The following MARCHF6 variants were observed in gnomAD, a reference collection of about 807,000 sequenced individuals.
MARCHF6 encodes membrane associated ring-CH-type finger 6, also known as E3 ubiquitin-protein ligase MARCHF6.
A neutral mutation model predicts 133.7 loss-of-function variants in MARCHF6; 31 were observed. That is an observed-to-expected ratio of 0.23 (90% CI 0.17 to 0.31). The LOEUF (loss-of-function observed/expected upper bound fraction) is 0.31. Among genes scored for constraint, MARCHF6 ranks in the 10% least tolerant of loss-of-function variants. The probability of loss-of-function intolerance (pLI) is 1.00; values close to 1 mark genes in which losing one functional copy is unlikely to be tolerated. For synonymous variants in MARCHF6, 395 were observed against 402.5 expected, an observed-to-expected ratio of 0.98 and a Z score of 0.22; for missense variants, 723 against 1,121.6, an observed-to-expected ratio of 0.64 and a Z score of 5.08.
At chr5:10,411,045 G>C (rs566179028) in intron 18 of MARCHF6, among the ~76,000 whole-genome samples, 57 of 151,944 alleles carry the variant, frequency 3.8e-4, no homozygotes, top group Non-Finnish European at 7.4e-4. Context: ...TAAGTATCTT[G>C]TACATTGTAC....
At chr5:10,366,286 G>C (rs1023016786) in intron 1 of MARCHF6, among the ~76,000 whole-genome samples, 1 of 152,162 alleles carries the variant, frequency 6.6e-6, no homozygotes, top group East Asian at 1.9e-4. Context: ...CATTTATATA[G>C]CCGCTTCCCT....
chr5:10,439,442 T>C lies in MARCHF6; in HGVS notation c.*5758T>C, dbSNP rs529632868. Reference sequence around the variant, plus strand: ...ATCCATGAAGGAAAAATCGATAAATTGTACTTTATCAAAATTGAGAACTTC... The same window carrying C: ...ATCCATGAAGGAAAAATCGATAAATCGTACTTTATCAAAATTGAGAACTTC... On this transcript the variant is annotated 3_prime_UTR_variant, in exon 26 of 26. Transcript: ENST00000274140. The C allele has an allele frequency of 6.6e-6, 1 of 152,298 alleles. No individual in the cohort carries two copies. Among genetic ancestry groups the C allele is most frequent in the Admixed American group, 6.5e-5 (1 of 15,288 alleles). 9.4% of individuals were successfully genotyped at this position (152,298 alleles called of 1,614,324 possible).
chr5:10,362,971 G>T (rs1735917215), intron 1 of MARCHF6, among the ~76,000 whole-genome samples: 1 of 152,024 alleles, frequency 6.6e-6, no homozygotes, highest in South Asian at 2.1e-4. Context: ...AATGGCACTG[G>T]AATAGTTGAA....
chr5:10,391,465 AG>A (rs1737835637), intron 6 of MARCHF6, 76 bp from the exon 7 acceptor site: 5 of 60,742 alleles, frequency 8.2e-5, no homozygotes, highest in Non-Finnish European at 1.5e-4. Flanking sequence ...TTTTTTTTTT[AG>A]CAGGAATAAT....
intron 23 of MARCHF6, among the ~76,000 whole-genome samples, chr5:10,424,352 G>A (rs932504839): frequency 1.3e-5 from 2 of 152,210 alleles, no homozygotes; most frequent in East Asian, 3.9e-4. Context: ...GCTCTCTTCA[G>A]TGGGTAATCT....
chr5:10,392,070 G>A (rs930470707), intron 7 of MARCHF6, among the ~76,000 whole-genome samples: 7 of 150,050 alleles, frequency 4.7e-5, no homozygotes, highest in South Asian at 2.1e-4. Flanking sequence ...GCCATTCTCC[G>A]GCCTCAGCCT....
chr5:10,361,443 T>G (rs1434267020), intron 1 of MARCHF6, among the ~76,000 whole-genome samples: 1 of 152,202 alleles, frequency 6.6e-6, no homozygotes, highest in Non-Finnish European at 1.5e-5. Context: ...TAGATGATTG[T>G]CTTCTGTGTC....
At chr5:10,379,381 A>C (rs532336090) in intron 3 of MARCHF6, among the ~76,000 whole-genome samples, 2 of 152,200 alleles carry the variant, frequency 1.3e-5, no homozygotes, top group Non-Finnish European at 2.9e-5. Context: ...GATTTCATCA[A>C]ATATTCAGTA....
chr5:10,387,109 G>C, intron 5 of MARCHF6, 43 bp downstream of exon 5: 3 of 1,394,920 alleles, frequency 2.2e-6, no homozygotes, highest in Non-Finnish European at 3.0e-6. Flanking sequence ...TGATGTAGAT[G>C]ATGCTTGCTT....
In MARCHF6 at chr5:10,397,275, G is replaced by A. The variant is rs1024549911; in HGVS notation, c.862-18G>A. The A allele has an allele frequency of 1.9e-6, 3 of 1,541,818 alleles. No individual in the cohort carries two copies. The highest frequency in any genetic ancestry group is 2.6e-6 in the Non-Finnish European group (3 of 1,144,150). On this transcript the variant is annotated intron_variant, in intron 9 of 25. Coordinates refer to ENST00000274140, the MANE Select transcript of MARCHF6 (RefSeq NM_005885.4). Reference sequence around the variant, plus strand: ...AAGTATGAATTGAATATGCTTTATTGATGCTTTTTTCCTTTAGGAACATGT... The same window carrying A: ...AAGTATGAATTGAATATGCTTTATTAATGCTTTTTTCCTTTAGGAACATGT...
intron 10 of MARCHF6, among the ~76,000 whole-genome samples, chr5:10,398,357 T>G (rs1738313695): frequency 6.6e-6 from 1 of 152,208 alleles, no homozygotes; most frequent in Non-Finnish European, 1.5e-5. Flanking sequence ...TTGATTTCTG[T>G]GTATTATCTG....
chr5:10,380,825 C>A (rs1393496440), intron 3 of MARCHF6, among the ~76,000 whole-genome samples: 2 of 151,764 alleles, frequency 1.3e-5, no homozygotes, highest in Non-Finnish European at 2.9e-5. Flanking sequence ...TACTTGGGAG[C>A]CTGAGGCAGG....
At chr5:10,407,956 C>CCCT (rs1320840816) in intron 17 of MARCHF6, among the ~76,000 whole-genome samples, 2 of 136,386 alleles carry the variant, frequency 1.5e-5, no homozygotes, top group Admixed American at 7.2e-5. Flanking sequence ...AACTGCATCC[C>CCCT]CCCCCCCCCA....
At chr5:10,402,722 T>G (rs1192251547) in intron 14 of MARCHF6, 115 bp downstream of exon 14, 1 of 957,432 alleles carries the variant, frequency 1.0e-6, no homozygotes, top group Non-Finnish European at 1.6e-6. Context: ...TGCTTATTCT[T>G]TTGGCATGTG....
intron 6 of MARCHF6, 71 bp downstream of exon 6, chr5:10,390,571 A>C: frequency 7.2e-6 from 10 of 1,390,450 alleles, no homozygotes; most frequent in Non-Finnish European, 9.8e-6. Context: ...TCTGAGACTC[A>C]AACTCTTGAC....
chr5:10,383,546 A>G (rs980773162), intron 4 of MARCHF6, among the ~76,000 whole-genome samples: 7 of 152,228 alleles, frequency 4.6e-5, no homozygotes, highest in Admixed American at 2.6e-4. Context: ...GAATGCTAGA[A>G]GACAATGGAA....
In MARCHF6 at chr5:10,431,791, C is replaced by T. The variant is rs146733508; in HGVS notation, c.2642+1763C>T. 2.8e-3 allele frequency among the ~76,000 whole-genome samples: 431 copies of T among 152,216 alleles called. 2 individuals are homozygous for T. The highest frequency in any genetic ancestry group is 0.01 in the Admixed American group (160 of 15,276). ...TACAATTTAACTTGGTTTCTGTATG[C>T]TTTTTATTTACTTACTTTGTCATTG... is the stretch of plus-strand genomic sequence containing the variant. On this transcript the variant is annotated intron_variant, in intron 25 of 25. Transcript: ENST00000274140.
intron 4 of MARCHF6, among the ~76,000 whole-genome samples, chr5:10,386,502 C>T (rs1031340747): frequency 2.0e-5 from 3 of 152,146 alleles, no homozygotes; most frequent in Non-Finnish European, 4.4e-5. Flanking sequence ...TTTTAGAGGA[C>T]CTGTGAATCT....
intron 8 of MARCHF6, among the ~76,000 whole-genome samples, chr5:10,394,533 A>T (rs1579572969): frequency 6.6e-6 from 1 of 152,200 alleles, no homozygotes; most frequent in Non-Finnish European, 1.5e-5. Context: ...GACTTTATAA[A>T]TCATGTAATT....
Sources: allele counts gnomAD v4.1 joint callset (sites outside exome capture counted in the v4.1 genomes callset), GRCh38; gene constraint gnomAD v4.1.1; transcripts MANE v1.5; gene names NCBI Gene and HGNC (gene_info 2026-07-23, HGNC 2026-07-21).